The following CYFIP1 variants were observed in gnomAD, a reference collection of about 807,000 sequenced individuals.
CYFIP1 encodes cytoplasmic FMR1 interacting protein 1.
In CYFIP1, 58 loss-of-function variants were observed where a neutral mutation model predicts 163.5. That is an observed-to-expected ratio of 0.35 (90% CI 0.29 to 0.44). The LOEUF (loss-of-function observed/expected upper bound fraction) is 0.44. Among genes scored for constraint, CYFIP1 ranks in the 20% least tolerant of loss-of-function variants. The probability of loss-of-function intolerance (pLI) is 1.00; values close to 1 mark genes in which losing one functional copy is unlikely to be tolerated. For synonymous variants in CYFIP1, 663 were observed against 660.7 expected (o/e 1.00, Z -0.05); for missense variants, 1,338 against 1,653.8 (o/e 0.81, Z 3.31).
At chr15:22,870,488 A>G (rs2059403609) in intron 30 of CYFIP1, among the ~76,000 whole-genome samples, 1 of 151,958 alleles carries the variant, frequency 6.6e-6, no homozygotes, top group Non-Finnish European at 1.5e-5. Flanking sequence ...TTTAAATTTA[A>G]TTTTGTAAAG....
chr15:22,910,941 G>C (rs1595576748), intron 18 of CYFIP1, 128 bp from the exon 19 acceptor site: 5 of 805,104 alleles, frequency 6.2e-6, no homozygotes, highest in East Asian at 2.5e-5. Flanking sequence ...ACGGAGTCTT[G>C]CTCTGTTGCC....
intron 1 of CYFIP1, among the ~76,000 whole-genome samples, chr15:22,958,742 T>A (rs1012620873): frequency 6.6e-6 from 1 of 152,232 alleles, no homozygotes; most frequent in African/African-American, 2.4e-5. Context: ...GTCACTCTCC[T>A]GCTCACGCTT....
At position 22,920,762 on chromosome 15, in the gene CYFIP1, T is replaced by C. The variant is rs1287192592; in HGVS notation, c.1360-1904A>G. Among the ~76,000 whole-genome samples the C allele has an allele frequency of 2.6e-5, 4 of 152,218 alleles. No individual in the cohort carries two copies. The East Asian group carries it at 7.7e-4, about 29-fold the overall frequency. On this transcript the variant is annotated intron_variant, in intron 13 of 30. Coordinates refer to ENST00000617928, the MANE Select transcript of CYFIP1 (RefSeq NM_014608.6). ...CTCTGTGATGGCGCCGCAGGCACTGTGCCTTCCTAATGCCATGCTTGTGTT... is the reference window on the plus strand; with the variant it reads ...CTCTGTGATGGCGCCGCAGGCACTGCGCCTTCCTAATGCCATGCTTGTGTT...
chr15:22,867,667 A>C lies in CYFIP1; in HGVS notation c.*2361T>G, dbSNP rs558599211. On this transcript the variant is annotated 3_prime_UTR_variant, in exon 31 of 31. Transcript: ENST00000617928. ...ACTTTGAACAGCTCTGGGAAATAGA[A>C]GACTAGGGTTGTTTCTTAAATTTAG... The C allele has an allele frequency of 7.1e-6, 1 of 140,868 alleles. No individual in the cohort carries two copies. Among genetic ancestry groups the C allele is most frequent in the East Asian group, 2.1e-4 (1 of 4,866 alleles). The allele number at this position is 140,868 out of a possible 1,614,324, so 8.7% of individuals were successfully genotyped here. A position where few individuals can be genotyped will look rare whatever the true frequency, so the allele number is the denominator to read the frequency against.
chr15:22,926,549 TTCAAA>T (rs2061363712), intron 12 of CYFIP1, among the ~76,000 whole-genome samples: 1 of 152,156 alleles, frequency 6.6e-6, no homozygotes, highest in African/African-American at 2.4e-5. Flanking sequence ...GATTTTGCCT[TTCAAA>T]TGACCATGTA....
chr15:22,918,994 C>T (rs1307875742), intron 13 of CYFIP1, 136 bp from the exon 14 acceptor site: 1 of 669,654 alleles, frequency 1.5e-6, no homozygotes, highest in Non-Finnish European at 2.5e-6. Flanking sequence ...TGCAGCTGCC[C>T]TGCCCCAAAA....
At chr15:22,921,792 C>T (rs903580101) in intron 13 of CYFIP1, among the ~76,000 whole-genome samples, 3 of 141,220 alleles carry the variant, frequency 2.1e-5, no homozygotes, top group Admixed American at 1.4e-4. Flanking sequence ...AAAAGAAGCA[C>T]GAGTTACCAG....
rs148698739 is a variant in CYFIP1, at chr15:22,931,634, A to G, written c.1110+589T>C. Among the ~76,000 whole-genome samples the G allele has an allele frequency of 9.8e-4, 133 of 136,064 alleles. 2 individuals are homozygous for G. Among genetic ancestry groups the G allele is most frequent in the Middle Eastern group, 4.1e-3 (1 of 244 alleles). The allele number at this position is 136,064 out of a possible 152,430, so 89.3% of individuals were successfully genotyped here. On this transcript the variant is annotated intron_variant, in intron 11 of 30. Transcript: ENST00000617928. ...TAGACTAGGAAATGCCACTTAATCA[A>G]TTAATTATCTCATCTCTGTCCTTTC...
At position 22,943,061 on chromosome 15, in the gene CYFIP1, C is replaced by T. The variant is rs528244964; in HGVS notation, c.569+112G>A. The T allele has an allele frequency of 2.1e-5, 21 of 1,002,078 alleles. No individual in the cohort carries two copies. The African/African-American group carries it at 3.1e-4, about 15-fold the overall frequency. The allele number at this position is 1,002,078 out of a possible 1,614,324, so 62.1% of individuals were successfully genotyped here. A position where few individuals can be genotyped will look rare whatever the true frequency, so the allele number is the denominator to read the frequency against. Reference sequence around the variant, plus strand: ...CCTGACACTGAGACGTAGCTGCTGCCTACCAGAAGTGACGACTTCAGCAAA... The same window carrying T: ...CCTGACACTGAGACGTAGCTGCTGCTTACCAGAAGTGACGACTTCAGCAAA... On this transcript the variant is annotated intron_variant, in intron 6 of 30. Transcript: ENST00000617928.
intron 13 of CYFIP1, among the ~76,000 whole-genome samples, chr15:22,922,633 T>C (rs1235867314): frequency 6.6e-6 from 1 of 152,176 alleles, no homozygotes; most frequent in African/African-American, 2.4e-5. Flanking sequence ...AAACGCTGTA[T>C]AAAAATCCAC....
At chr15:22,906,185 C>T (rs1441058277) in intron 21 of CYFIP1, among the ~76,000 whole-genome samples, 1 of 151,772 alleles carries the variant, frequency 6.6e-6, no homozygotes, top group Non-Finnish European at 1.5e-5. Flanking sequence ...TGGCTCACTG[C>T]AACCTCTGCC....
At chr15:22,916,824 G>T (rs746983048) in intron 15 of CYFIP1, 194 bp from the exon 16 acceptor site, 1 of 1,558,900 alleles carries the variant, frequency 6.4e-7, no homozygotes, top group African/African-American at 1.4e-5. Context: ...AGAACAACTT[G>T]TAGCGGAGCA....
chr15:22,900,188 G>A (rs1045733262), intron 22 of CYFIP1, among the ~76,000 whole-genome samples: 14 of 152,180 alleles, frequency 9.2e-5, no homozygotes, highest in African/African-American at 2.4e-4. Flanking sequence ...AAGTCCTTGC[G>A]AGAAGAGAAG....
rs763978211 is a variant in CYFIP1 at position 22,917,929 on chromosome 15, C to T, written c.1533G>A (p.Leu511=). ...KKKKNVIQSV[L]QAIRKTVCDW... is the part of the protein sequence containing the mutation. ...CACACACGGTCTTCCTGATGGCCTG[C>T]AGGACACTGAACACCCCACCAAGTG... Residue 511 remains leucine (L), a synonymous_variant, in exon 15 of 31, where the codon CTG becomes CTA. Coordinates refer to ENST00000617928, the MANE Select transcript of CYFIP1 (RefSeq NM_014608.6). The surrounding 1 kb of genome is among the most constrained non-coding windows in gnomAD (Gnocchi z 4.2). 2 of 1,613,334 alleles carry T rather than the reference C, an allele frequency of 1.2e-6. No homozygotes were observed. The highest frequency in any genetic ancestry group is 2.7e-5 in the African/African-American group (2 of 75,032).
intron 23 of CYFIP1, among the ~76,000 whole-genome samples, chr15:22,889,434 T>A (rs2060009922): frequency 6.6e-6 from 1 of 152,182 alleles, no homozygotes; most frequent in South Asian, 2.1e-4. Context: ...CCTGCACTCC[T>A]GGGAGAAAAT....
In CYFIP1 at chr15:22,918,849, T is replaced by C. The variant is rs765896797; in HGVS notation, c.1369A>G (p.Met457Val). The C allele has an allele frequency of 6.2e-7, 1 of 1,603,138 alleles. No homozygotes were observed. Among genetic ancestry groups the C allele is most frequent in the Non-Finnish European group, 8.5e-7 (1 of 1,175,566 alleles). ...ATCAGCACCTGCAGGCCTTTGATCA[T>C]GGCGATCACCTGCGGGGGACACAGC... ...EKFALVEVIA[M>V]IKGLQVLMGR... The change falls in exon 14 of 31, where the codon ATG becomes GTG. Residue 457 changes from methionine (M) to valine (V), a missense_variant. Physicochemically the swap from Met to Val is conservative, Grantham distance 21 (BLOSUM62 1). This residue lies in a region of CYFIP1 where 824 missense variants were observed against 995.7 expected (regional missense o/e 0.83). Coordinates refer to ENST00000617928, the MANE Select transcript of CYFIP1 (RefSeq NM_014608.6).
intron 23 of CYFIP1, 71 bp from the exon 24 acceptor site, chr15:22,883,082 G>T: frequency 1.3e-6 from 2 of 1,554,216 alleles, no homozygotes; most frequent in Non-Finnish European, 8.8e-7. Context: ...TGTGTGAGAA[G>T]ATCACTCAAC....
At chr15:22,906,024 G>T (rs1343820990) in intron 21 of CYFIP1, among the ~76,000 whole-genome samples, 1 of 152,110 alleles carries the variant, frequency 6.6e-6, no homozygotes, top group African/African-American at 2.4e-5. Context: ...CTCCCAAAGT[G>T]CTGGGATTAC....
At chr15:22,894,065 A>T (rs1176676818) in intron 22 of CYFIP1, among the ~76,000 whole-genome samples, 1 of 152,100 alleles carries the variant, frequency 6.6e-6, no homozygotes, top group African/African-American at 2.4e-5. Context: ...CCTTGACAGC[A>T]GCACACCTGC....
Sources: gnomAD v4.1 joint callset for allele counts (sites outside exome capture counted in the v4.1 genomes callset) on GRCh38, gnomAD v4.1.1 for gene constraint, gnomAD v4.1.1 regional missense constraint, Gnocchi (gnomAD v3.1) non-coding constraint, MANE v1.5 for transcripts, NCBI Gene and HGNC (gene_info 2026-07-23, HGNC 2026-07-21) for gene names.